The following TMTC2 variants were observed in gnomAD, a reference collection of about 807,000 sequenced individuals.
TMTC2 encodes the protein transmembrane O-mannosyltransferase targeting cadherins 2.
Under a neutral mutation model 82.4 loss-of-function variants are expected in TMTC2, and 43 were observed. That is an observed-to-expected ratio of 0.52 (90% confidence interval 0.41 to 0.67). The LOEUF is 0.67. TMTC2 is among the 30% of genes least tolerant of loss of function. TMTC2 has a pLI of 0.00. For synonymous variants in TMTC2, 408 were observed against 381.9 expected, an observed-to-expected ratio of 1.07 and a Z score of -0.80; for missense variants, 919 against 1,012.4, an observed-to-expected ratio of 0.91 and a Z score of 1.25.
Position 82,832,703 on chromosome 12 carries a change from C to T in TMTC2, c.84-24307C>T, listed in dbSNP as rs527871078. Among the ~76,000 whole-genome samples, 8 of 152,226 alleles carry T rather than the reference C, an allele frequency of 5.3e-5. No homozygotes were observed. The East Asian group carries it at 7.7e-4, about 15-fold the overall frequency. On this transcript the variant is annotated intron_variant, in intron 1 of 11. Coordinates refer to ENST00000321196, the MANE Select transcript of TMTC2 (RefSeq NM_152588.3). ...CTACAAATAAATTATGTGCCAGTGG[C>T]GACTACTAATTCAAAGCAGCTTTTG...
intron 11 of TMTC2, among the ~76,000 whole-genome samples, chr12:83,096,767 A>G (rs1490231922): frequency 6.6e-6 from 1 of 152,114 alleles, no homozygotes; most frequent in Non-Finnish European, 1.5e-5. Flanking sequence ...ATACAGCCAA[A>G]CCATATCAAA....
Position 83,030,804 on chromosome 12 carries a change from A to G in TMTC2, c.2077A>G (p.Lys693Glu), listed in dbSNP as rs766922180. 5 of 1,612,990 alleles carry G rather than the reference A, an allele frequency of 3.1e-6. No homozygotes were observed. The South Asian group carries it at 5.5e-5, about 18-fold the overall frequency. ...YGKLLALTGR[K>E]SEAEKLFLKA... ...ATTTTCTCTGTTTTTCAAGGGTCGTAAGAGTGAGGCTGAAAAGCTCTTCTT... is the reference window on the plus strand; with the variant it reads ...ATTTTCTCTGTTTTTCAAGGGTCGTGAGAGTGAGGCTGAAAAGCTCTTCTT... The change falls in exon 9 of 12, where the codon AAG becomes GAG. Residue 693 changes from lysine to glutamate, a missense_variant. By Grantham distance (56) the Lys-to-Glu change is moderately conservative. Coordinates refer to ENST00000321196, the MANE Select transcript of TMTC2 (RefSeq NM_152588.3).
At chr12:82,952,516 C>CACAG (rs893128878) in intron 4 of TMTC2, among the ~76,000 whole-genome samples, 3 of 151,934 alleles carry the variant, frequency 2.0e-5, no homozygotes, top group Non-Finnish European at 4.4e-5. Flanking sequence ...TACATACACA[C>CACAG]ACAGACACAC....
At chr12:83,022,180 C>T (rs989445364) in intron 8 of TMTC2, among the ~76,000 whole-genome samples, 1 of 151,798 alleles carries the variant, frequency 6.6e-6, no homozygotes, top group African/African-American at 2.4e-5. Context: ...CAGTCTGGTC[C>T]CTCCTGTCAT....
chr12:82,861,038 A>G (rs868610930), intron 2 of TMTC2, among the ~76,000 whole-genome samples: 7 of 152,242 alleles, frequency 4.6e-5, no homozygotes, highest in Non-Finnish European at 1.0e-4. Flanking sequence ...CATCTTAAAT[A>G]TCTTGCCAAT....
intron 4 of TMTC2, among the ~76,000 whole-genome samples, chr12:82,934,895 T>G (rs1340253134): frequency 6.6e-6 from 1 of 152,312 alleles, no homozygotes; most frequent in African/African-American, 2.4e-5. Flanking sequence ...GTTTCCTGAC[T>G]TTTTAATGAT....
chr12:83,130,695 A>G (rs1280704834), intron 11 of TMTC2, among the ~76,000 whole-genome samples: 1 of 152,214 alleles, frequency 6.6e-6, no homozygotes, highest in East Asian at 1.9e-4. Flanking sequence ...CTAGACTTCA[A>G]GCAAAATGAG....
At position 82,687,367 on chromosome 12, in the gene TMTC2, G is replaced by A. The variant is rs1872362401; in HGVS notation, c.-220G>A. The stretch of plus-strand genomic sequence containing the variant: ...GCGCCGGGCATGGGGAGTGTGGTGT[G>A]AGCCCGCACCCGGGGAGGACGCAGG... On this transcript the variant is annotated 5_prime_UTR_variant, in exon 1 of 12. The change abolishes the stop of an existing upstream ORF in the 5' untranslated region. Transcript: ENST00000321196. 1 of 585,824 alleles carries A rather than the reference G, an allele frequency of 1.7e-6. No homozygotes were observed. Among genetic ancestry groups the A allele is most frequent in the South Asian group, 2.0e-5 (1 of 50,674 alleles). The allele number at this position is 585,824 out of a possible 1,614,324, so 36.3% of individuals were successfully genotyped here.
chr12:82,825,326 G>T (rs1013706788), intron 1 of TMTC2, among the ~76,000 whole-genome samples: 1 of 152,182 alleles, frequency 6.6e-6, no homozygotes, highest in African/African-American at 2.4e-5. Flanking sequence ...GTGAGATGGG[G>T]TATCTGATGT....
intron 1 of TMTC2, among the ~76,000 whole-genome samples, chr12:82,810,334 G>A (rs1879435080): frequency 6.6e-6 from 1 of 151,236 alleles, no homozygotes; most frequent in South Asian, 2.1e-4. Flanking sequence ...AGGCAAGGGT[G>A]CAGTGTTTAT....
chr12:82,845,559 C>T (rs1018545426), intron 1 of TMTC2, among the ~76,000 whole-genome samples: 1 of 151,902 alleles, frequency 6.6e-6, no homozygotes, highest in Non-Finnish European at 1.5e-5. Flanking sequence ...AAGTTATTTT[C>T]ATTAAGCTTT....
At chr12:82,978,267 A>G (rs1167459346) in intron 7 of TMTC2, among the ~76,000 whole-genome samples, 2 of 151,820 alleles carry the variant, frequency 1.3e-5, no homozygotes, top group Non-Finnish European at 3.0e-5. Flanking sequence ...AAATGAATGT[A>G]TATAAATATC....
chr12:82,821,279 T>G (rs1487648325), intron 1 of TMTC2, among the ~76,000 whole-genome samples: 17 of 152,220 alleles, frequency 1.1e-4, no homozygotes. Context: ...CCTTCTTAAA[T>G]TTTATGCCAT....
intron 2 of TMTC2, among the ~76,000 whole-genome samples, chr12:82,866,218 T>A (rs1190598876): frequency 9.5e-6 from 1 of 105,016 alleles, no homozygotes; most frequent in East Asian, 2.7e-4. Flanking sequence ...AATCAATGAA[T>A]CCAGGAGCTG....
At chr12:83,022,047 T>C (rs73152233) in intron 8 of TMTC2, 28,132 of 151,082 alleles carry the variant, frequency 0.19, 2,669 homozygotes, top group Middle Eastern at 0.25. Context: ...GAAAACAATA[T>C]GAGTAAAAGC....
At chr12:82,923,021 G>A (rs1019374357) in intron 3 of TMTC2, among the ~76,000 whole-genome samples, 2 of 152,084 alleles carry the variant, frequency 1.3e-5, no homozygotes, top group Non-Finnish European at 2.9e-5. Flanking sequence ...GCTAGACAGA[G>A]GTCCATTTTG....
chr12:82,875,137 G>A (rs1872418423), intron 2 of TMTC2, among the ~76,000 whole-genome samples: 1 of 152,060 alleles, frequency 6.6e-6, no homozygotes, highest in Non-Finnish European at 1.5e-5. Flanking sequence ...GCTGACTCCT[G>A]ATCTTTCTAA....
chr12:82,975,615 T>TTA (rs1878631634), intron 7 of TMTC2, among the ~76,000 whole-genome samples: 1 of 152,198 alleles, frequency 6.6e-6, no homozygotes, highest in Non-Finnish European at 1.5e-5. Context: ...GTAATTAACA[T>TTA]TAATATAGCA....
chr12:82,715,091 G>A (rs1873830516), intron 1 of TMTC2, among the ~76,000 whole-genome samples: 1 of 152,050 alleles, frequency 6.6e-6, no homozygotes, highest in Admixed American at 6.5e-5. Flanking sequence ...CCAAGATGGT[G>A]AAACCCTGTC....
Sources: gnomAD v4.1 joint callset for allele counts (sites outside exome capture counted in the v4.1 genomes callset) on GRCh38, gnomAD v4.1.1 for gene constraint, MANE v1.5 for transcripts, NCBI Gene and HGNC (gene_info 2026-07-23, HGNC 2026-07-21) for gene names.